Variants in TMEM132D observed in about 807,000 individuals in gnomAD.
TMEM132D encodes transmembrane protein 132D, also known as mature OL transmembrane protein.
TMEM132D carries 21 observed loss-of-function variants against 62.3 expected under a neutral mutation model. That is an observed-to-expected ratio of 0.34 (90% CI 0.24 to 0.49). The LOEUF is 0.49. TMEM132D is among the 20% of genes least tolerant of loss of function. The pLI is 0.99. For missense variants in TMEM132D, 1,346 were observed against 1,402.8 expected (o/e 0.96, Z 0.65); for synonymous variants, 621 against 575.6 (o/e 1.08, Z -1.13).
chr12:129,500,765 A>T, intron 3 of TMEM132D, among the ~76,000 whole-genome samples: 1 of 152,180 alleles, frequency 6.6e-6, no homozygotes, highest in Non-Finnish European at 1.5e-5. Context: ...CTACACATTC[A>T]GTTTCTGAAC....
intron 4 of TMEM132D, among the ~76,000 whole-genome samples, chr12:129,245,144 A>T (rs1880060465): frequency 6.6e-6 from 1 of 152,196 alleles, no homozygotes; most frequent in Non-Finnish European, 1.5e-5. Context: ...GCATAGTATC[A>T]TGTATCCATC....
At chr12:129,783,386 T>C (rs1394607042) in intron 1 of TMEM132D, among the ~76,000 whole-genome samples, 1 of 152,338 alleles carries the variant, frequency 6.6e-6, no homozygotes, top group South Asian at 2.1e-4. Flanking sequence ...AAATATCATC[T>C]TAATTCTGCA....
At chr12:129,543,906 G>C (rs1876661464) in intron 2 of TMEM132D, among the ~76,000 whole-genome samples, 1 of 152,162 alleles carries the variant, frequency 6.6e-6, no homozygotes. Flanking sequence ...TGGACACAGA[G>C]GTGGTTCCTA....
At chr12:129,738,511 T>C (rs1377554120) in intron 1 of TMEM132D, among the ~76,000 whole-genome samples, 1 of 152,142 alleles carries the variant, frequency 6.6e-6, no homozygotes, top group Non-Finnish European at 1.5e-5. Flanking sequence ...ACTGCAGAGA[T>C]GCAGAAAAGG....
At chr12:129,258,270 T>C (rs1880460982) in intron 4 of TMEM132D, among the ~76,000 whole-genome samples, 1 of 152,028 alleles carries the variant, frequency 6.6e-6, no homozygotes, top group African/African-American at 2.4e-5. Flanking sequence ...AGATAGTACA[T>C]ATATAAATAT....
chr12:129,549,492 T>C (rs907467191), intron 2 of TMEM132D, among the ~76,000 whole-genome samples: 1 of 152,240 alleles, frequency 6.6e-6, no homozygotes, highest in African/African-American at 2.4e-5. Flanking sequence ...GAAACCCCTT[T>C]GGCTTGGTTC....
chr12:129,092,000 C>T (rs1227430386), intron 5 of TMEM132D, among the ~76,000 whole-genome samples: 3 of 152,198 alleles, frequency 2.0e-5, no homozygotes, highest in Admixed American at 1.3e-4. Context: ...CATTACTTCT[C>T]GTTAAAATAT....
chr12:129,268,516 A>AT (rs1468631102), intron 4 of TMEM132D, among the ~76,000 whole-genome samples: 2 of 152,216 alleles, frequency 1.3e-5, no homozygotes, highest in African/African-American at 2.4e-5. Context: ...AATGGCAATC[A>AT]TTAAAAAGTC....
chr12:129,097,181 C>T (rs1032654805), intron 5 of TMEM132D, among the ~76,000 whole-genome samples: 74 of 152,244 alleles, frequency 4.9e-4, no homozygotes, highest in African/African-American at 1.7e-3. Flanking sequence ...AGCAGCACCC[C>T]TGGCCTCCAC....
chr12:129,458,646 A>G (rs1043555819), intron 3 of TMEM132D, among the ~76,000 whole-genome samples: 1 of 152,206 alleles, frequency 6.6e-6, no homozygotes, highest in African/African-American at 2.4e-5. Flanking sequence ...TCACAACCTG[A>G]CAGCTAGGAA....
At chr12:129,894,716 C>T (rs900790218) in intron 1 of TMEM132D, among the ~76,000 whole-genome samples, 1 of 143,726 alleles carries the variant, frequency 7.0e-6, no homozygotes, top group African/African-American at 2.7e-5. Context: ...ACAGAGCTCG[C>T]ACCTTCCTTG....
At chr12:129,261,489 A>T (rs1593315113) in intron 4 of TMEM132D, among the ~76,000 whole-genome samples, 1 of 152,238 alleles carries the variant, frequency 6.6e-6, no homozygotes, top group African/African-American at 2.4e-5. Context: ...CTCCCCAGCC[A>T]TGTGGAACTG....
rs2137227780 is a variant in TMEM132D at position 129,700,598 on chromosome 12, G to A, written c.180C>T (p.Phe60=). Residue 60 remains phenylalanine, a synonymous_variant, in exon 2 of 9, where the codon TTC becomes TTT. Coordinates refer to ENST00000422113, the MANE Select transcript of TMEM132D (RefSeq NM_133448.3). ...TYHINNADVS[F]FLKEANQDIM... is the part of the protein sequence containing the mutation. ...TATCCTGGTTGGCCTCCTTCAGGAA[G>A]AAGGAGACGTCCGCGTTGTTGATGT... 4 of 1,614,060 alleles carry A rather than the reference G, an allele frequency of 2.5e-6. No homozygotes were observed. Among genetic ancestry groups the A allele is most frequent in the Non-Finnish European group, 3.4e-6 (4 of 1,180,034 alleles).
At chr12:129,854,015 G>A (rs564493649) in intron 1 of TMEM132D, among the ~76,000 whole-genome samples, 2 of 152,134 alleles carry the variant, frequency 1.3e-5, no homozygotes, top group South Asian at 2.1e-4. Context: ...AAGCCACCTT[G>A]GGGGGATGGG....
chr12:129,533,961 A>T (rs1245890074), intron 2 of TMEM132D, among the ~76,000 whole-genome samples: 3 of 152,244 alleles, frequency 2.0e-5, no homozygotes, highest in East Asian at 1.9e-4. Flanking sequence ...AGATGTAGAC[A>T]CGGTATTTAC....
chr12:129,703,047 G>A (rs997464543), intron 1 of TMEM132D, among the ~76,000 whole-genome samples: 4 of 152,166 alleles, frequency 2.6e-5, no homozygotes, highest in African/African-American at 9.7e-5. Context: ...GTCCCCTATT[G>A]TTAAAAACAC....
rs200383461 is a variant in TMEM132D, at chr12:129,644,744, C to T, written c.968+55066G>A. On this transcript the variant is annotated intron_variant, in intron 2 of 8. Coordinates refer to ENST00000422113, the MANE Select transcript of TMEM132D (RefSeq NM_133448.3). ...CTGTAATCCCAGCACTTTGGGAGGC[C>T]GAGGTGGGCAGATCACGAGGTCAGG... is the stretch of plus-strand genomic sequence containing the variant. Among the ~76,000 whole-genome samples, 37 of 150,836 alleles carry T rather than the reference C, an allele frequency of 2.5e-4. 1 individual carries two copies. The East Asian group carries it at 6.3e-3, about 26-fold the overall frequency.
chr12:129,864,203 C>CT (rs1192016884), intron 1 of TMEM132D, among the ~76,000 whole-genome samples: 1 of 152,186 alleles, frequency 6.6e-6, no homozygotes, highest in Non-Finnish European at 1.5e-5. Context: ...ACCAAAGCAT[C>CT]AGCCATTTGA....
At chr12:129,223,160 C>T (rs1228100701) in intron 4 of TMEM132D, among the ~76,000 whole-genome samples, 1 of 151,992 alleles carries the variant, frequency 6.6e-6, no homozygotes, top group East Asian at 2.0e-4. Flanking sequence ...GGTTTTCTCC[C>T]CTTCAACACA....
Sources: gnomAD v4.1 joint callset for allele counts (sites outside exome capture counted in the v4.1 genomes callset) on GRCh38, gnomAD v4.1.1 for gene constraint, MANE v1.5 for transcripts, NCBI Gene and HGNC (gene_info 2026-07-23, HGNC 2026-07-21) for gene names.